Variants in MAGI2 observed in about 807,000 individuals in gnomAD.
MAGI2 encodes the protein membrane-associated guanylate kinase, WW and PDZ domain-containing protein 2.
In MAGI2, 35 loss-of-function variants were observed where a neutral mutation model predicts 133.3. That is an observed-to-expected ratio of 0.26 (90% CI 0.20 to 0.35). The LOEUF is 0.35. Ranked by LOEUF, MAGI2 falls within the 10% of genes least tolerant of loss-of-function variation. The pLI is 1.00. For synonymous variants in MAGI2, 729 were observed against 710.6 expected (o/e 1.03, Z -0.41); for missense variants, 1,636 against 1,863.4 (o/e 0.88, Z 2.25).
chr7:79,428,263 A>G (rs915827468), intron 1 of MAGI2, among the ~76,000 whole-genome samples: 1 of 152,196 alleles, frequency 6.6e-6, no homozygotes, highest in Admixed American at 6.5e-5. Context: ...GTGTAAATCT[A>G]TTAACAACAA....
At chr7:78,923,106 T>C (rs2151638717) in intron 2 of MAGI2, among the ~76,000 whole-genome samples, 1 of 152,306 alleles carries the variant, frequency 6.6e-6, no homozygotes, top group East Asian at 1.9e-4. Context: ...CTCTGTCAGA[T>C]GAGTAGGTTG....
intron 20 of MAGI2, among the ~76,000 whole-genome samples, chr7:78,113,329 T>C (rs576033957): frequency 3.9e-5 from 6 of 152,160 alleles, no homozygotes; most frequent in Admixed American, 3.9e-4. Flanking sequence ...GGGAGGAAAA[T>C]ACAAGTTGAT....
intron 2 of MAGI2, among the ~76,000 whole-genome samples, chr7:78,660,310 T>C (rs1487014570): frequency 1.3e-5 from 2 of 152,304 alleles, no homozygotes; most frequent in South Asian, 4.1e-4. Flanking sequence ...TTCTTTTCAT[T>C]TGTGGCAAGT....
chr7:78,270,956 T>TC (rs1345931121), intron 9 of MAGI2, among the ~76,000 whole-genome samples: 3 of 152,322 alleles, frequency 2.0e-5, no homozygotes, highest in African/African-American at 7.2e-5. Flanking sequence ...ACCTTTTTTT[T>TC]CTTTCTCTTG....
chr7:78,984,072 A>T (rs1003700851), intron 2 of MAGI2, among the ~76,000 whole-genome samples: 1 of 152,030 alleles, frequency 6.6e-6, no homozygotes, highest in Non-Finnish European at 1.5e-5. Flanking sequence ...AATGGACTGC[A>T]TTAGTCCAGA....
intron 2 of MAGI2, among the ~76,000 whole-genome samples, chr7:78,771,618 T>A (rs573234140): frequency 1.3e-5 from 2 of 152,326 alleles, no homozygotes; most frequent in African/African-American, 4.8e-5. Flanking sequence ...ACAATTCTTT[T>A]AAACTTGTAA....
At chr7:78,060,254 C>CA (rs3084736) in intron 21 of MAGI2, among the ~76,000 whole-genome samples, 1 of 136,700 alleles carries the variant, frequency 7.3e-6, no homozygotes, top group Non-Finnish European at 1.5e-5. Flanking sequence ...ACCCCCCCCC[C>CA]TCTTTAGATT....
intron 1 of MAGI2, among the ~76,000 whole-genome samples, chr7:79,354,735 G>A (rs572531972): frequency 9.9e-5 from 15 of 152,068 alleles, no homozygotes; most frequent in Admixed American, 2.0e-4. Context: ...TGCTCACCTC[G>A]GTGTGCCTCA....
At chr7:78,212,101 G>GT (rs1160934966) in intron 10 of MAGI2, among the ~76,000 whole-genome samples, 2 of 152,150 alleles carry the variant, frequency 1.3e-5, no homozygotes, top group African/African-American at 4.8e-5. Context: ...AACTTAACTA[G>GT]TTTTAGTGCT....
chr7:78,641,082 A>T (rs1315639672), intron 2 of MAGI2, among the ~76,000 whole-genome samples: 1 of 152,122 alleles, frequency 6.6e-6, no homozygotes, highest in Non-Finnish European at 1.5e-5. Flanking sequence ...TGCTGCCACC[A>T]TGTGAAGAAG....
At chr7:78,093,634 T>C (rs1204594415) in intron 20 of MAGI2, among the ~76,000 whole-genome samples, 1 of 152,270 alleles carries the variant, frequency 6.6e-6, no homozygotes, top group Non-Finnish European at 1.5e-5. Context: ...CACTTGCTGC[T>C]ATTTAAGAGT....
chr7:78,846,075 G>T (rs1173218293), intron 2 of MAGI2, among the ~76,000 whole-genome samples: 1 of 151,870 alleles, frequency 6.6e-6, no homozygotes, highest in Non-Finnish European at 1.5e-5. Flanking sequence ...GAAGTAGTGA[G>T]AAATGATAAT....
At chr7:78,762,274 T>C (rs13244373) in intron 2 of MAGI2, among the ~76,000 whole-genome samples, 66,259 of 151,280 alleles carry the variant, frequency 0.44, 14,717 homozygotes, top group Non-Finnish European at 0.48. Flanking sequence ...TAAAACCCCA[T>C]CCCTACTAAA....
chr7:78,036,149 G>T (rs1216820018), intron 21 of MAGI2, among the ~76,000 whole-genome samples: 1 of 152,118 alleles, frequency 6.6e-6, no homozygotes, highest in Non-Finnish European at 1.5e-5. Flanking sequence ...CACTTCAGTA[G>T]CTGACTTTGT....
chr7:79,021,401 C>T (rs141112328), intron 1 of MAGI2, among the ~76,000 whole-genome samples: 1 of 152,182 alleles, frequency 6.6e-6, no homozygotes, highest in Non-Finnish European at 1.5e-5. Flanking sequence ...GGGAGGGGGC[C>T]TGTACCCTGA....
chr7:78,925,869 C>G (rs1265636761), intron 2 of MAGI2, among the ~76,000 whole-genome samples: 1 of 151,920 alleles, frequency 6.6e-6, no homozygotes, highest in Non-Finnish European at 1.5e-5. Flanking sequence ...AAAGCCAAAG[C>G]TTATTAAAGC....
chr7:78,541,576 A>G (rs1226627533), intron 3 of MAGI2, among the ~76,000 whole-genome samples: 1 of 152,210 alleles, frequency 6.6e-6, no homozygotes, highest in Non-Finnish European at 1.5e-5. Context: ...AAAACCACAC[A>G]TTAGAGCTTA....
chr7:79,209,150 A>G (rs1014683980), intron 1 of MAGI2, among the ~76,000 whole-genome samples: 2 of 151,988 alleles, frequency 1.3e-5, no homozygotes, highest in Non-Finnish European at 2.9e-5. Flanking sequence ...TTCTTAAAAA[A>G]TGCTAAGAAA....
chr7:78,181,636 T>A (rs867275335), intron 13 of MAGI2, among the ~76,000 whole-genome samples: 7 of 152,196 alleles, frequency 4.6e-5, no homozygotes, highest in Non-Finnish European at 1.0e-4. Flanking sequence ...GAACAAAGCA[T>A]CTCATGATCC....
Sources: allele counts gnomAD v4.1 joint callset (sites outside exome capture counted in the v4.1 genomes callset), GRCh38; gene constraint gnomAD v4.1.1; transcripts MANE v1.5; gene names NCBI Gene and HGNC (gene_info 2026-07-23, HGNC 2026-07-21).